AMN1: variants seen among roughly 807,000 people sequenced by gnomAD.
The protein encoded by AMN1 is antagonist of mitotic exit network 1 homolog, also known as protein AMN1 homolog.
Under a neutral mutation model 33.0 loss-of-function variants are expected in AMN1, and 20 were observed. The ratio of observed to expected loss-of-function variants is 0.61; its 90% CI spans 0.43 to 0.88. The LOEUF (loss-of-function observed/expected upper bound fraction) is 0.88. Ranked by LOEUF, AMN1 falls within the 40% of genes least tolerant of loss-of-function variation. The pLI is 0.00. For missense variants in AMN1, 246 were observed against 307.4 expected, an observed-to-expected ratio of 0.80 and a Z score of 1.49; for synonymous variants, 114 against 111.9, an observed-to-expected ratio of 1.02 and a Z score of -0.12.
At chr12:31,690,322 A>G (rs11051536) in intron 5 of AMN1, among the ~76,000 whole-genome samples, 12,156 of 152,266 alleles carry the variant, frequency 0.08, 702 homozygotes, top group East Asian at 0.28. Context: ...AGTTATTTAA[A>G]GAATTTCCAC....
intron 2 of AMN1, among the ~76,000 whole-genome samples, chr12:31,703,998 T>C (rs186339972): frequency 6.6e-6 from 1 of 152,326 alleles, no homozygotes; most frequent in East Asian, 1.9e-4. Context: ...GCTTATAACA[T>C]ATGCTATATA....
At chr12:31,702,587 A>G (rs570652390) in intron 2 of AMN1, among the ~76,000 whole-genome samples, 1 of 152,196 alleles carries the variant, frequency 6.6e-6, no homozygotes, top group South Asian at 2.1e-4. Flanking sequence ...CAAAATAGAA[A>G]TGGCTTTACC....
intron 2 of AMN1, among the ~76,000 whole-genome samples, chr12:31,706,024 C>T (rs1041633577): frequency 9.2e-5 from 14 of 152,008 alleles, no homozygotes; most frequent in Admixed American, 6.6e-4. Flanking sequence ...ATAAATCTGC[C>T]TTTCTTGGCC....
chr12:31,723,034 T>C (rs980164508), intron 1 of AMN1, among the ~76,000 whole-genome samples: 2 of 152,142 alleles, frequency 1.3e-5, no homozygotes, highest in Non-Finnish European at 2.9e-5. Flanking sequence ...AGTGCATGCC[T>C]GTAATCCCAG....
intron 1 of AMN1, among the ~76,000 whole-genome samples, chr12:31,724,360 T>C (rs939454498): frequency 1.8e-4 from 28 of 152,140 alleles, no homozygotes; most frequent in African/African-American, 6.5e-4. Context: ...CCTGCGACAA[T>C]AGCTCTGATA....
chr12:31,717,885 C>T lies in AMN1; in HGVS notation c.39-8460G>A, dbSNP rs549414663. ...CTCCCTCCCCTTGTCCCCAACCCCC[C>T]GACAGGCCCCAGTGTGTGATGTTCC... On this transcript the variant is annotated intron_variant, in intron 1 of 6. Coordinates refer to ENST00000281471, the MANE Select transcript of AMN1 (RefSeq NM_001113402.2). Among the ~76,000 whole-genome samples the T allele has an allele frequency of 5.9e-5, 9 of 152,134 alleles. No homozygotes were observed. In the East Asian group the frequency reaches 1.5e-3, roughly 26 times the overall value.
At chr12:31,696,980 T>C (rs1938755506) in intron 5 of AMN1, among the ~76,000 whole-genome samples, 1 of 151,908 alleles carries the variant, frequency 6.6e-6, no homozygotes, top group South Asian at 2.1e-4. Context: ...AAAAATAGGA[T>C]GACAGGATGT....
chr12:31,700,941 G>A (rs1413659029), intron 3 of AMN1, among the ~76,000 whole-genome samples: 2 of 151,864 alleles, frequency 1.3e-5, no homozygotes, highest in East Asian at 3.9e-4. Context: ...CACCCGCCTA[G>A]GCCTCCCAAA....
intron 1 of AMN1, among the ~76,000 whole-genome samples, chr12:31,716,150 T>G (rs540628259): frequency 6.6e-6 from 1 of 152,374 alleles, no homozygotes; most frequent in East Asian, 1.9e-4. Flanking sequence ...TTTGTGAAAT[T>G]TATCTGTATC....
intron 5 of AMN1, among the ~76,000 whole-genome samples, chr12:31,694,442 CAAAAAAAAA>C (rs71062451): frequency 8.6e-6 from 1 of 116,800 alleles, no homozygotes. Flanking sequence ...AACTCTGTCT[CAAAAAAAAA>C]AAAAAAAAAA....
At chr12:31,721,748 C>A (rs1332237177) in intron 1 of AMN1, among the ~76,000 whole-genome samples, 5 of 152,152 alleles carry the variant, frequency 3.3e-5, no homozygotes, top group Non-Finnish European at 7.4e-5. Context: ...AACAAACTAG[C>A]GGATTACAGA....
At chr12:31,711,460 A>G (rs1394982984) in intron 1 of AMN1, among the ~76,000 whole-genome samples, 3 of 152,064 alleles carry the variant, frequency 2.0e-5, no homozygotes, top group Non-Finnish European at 4.4e-5. Flanking sequence ...ATGTCTCACT[A>G]TTACTTTAAC....
At chr12:31,678,064 C>T (rs1414841196) in intron 6 of AMN1, among the ~76,000 whole-genome samples, 1 of 152,192 alleles carries the variant, frequency 6.6e-6, no homozygotes, top group Non-Finnish European at 1.5e-5. Flanking sequence ...CCAGTCACAT[C>T]TCTACATGGC....
chr12:31,702,920 A>T (rs1053112176), intron 2 of AMN1, among the ~76,000 whole-genome samples: 1 of 152,110 alleles, frequency 6.6e-6, no homozygotes, highest in Non-Finnish European at 1.5e-5. Flanking sequence ...ATTTTTTAGT[A>T]GAGATGTGGT....
At chr12:31,677,465 A>T (rs1937779156) in intron 6 of AMN1, among the ~76,000 whole-genome samples, 1 of 152,196 alleles carries the variant, frequency 6.6e-6, no homozygotes, top group South Asian at 2.1e-4. Context: ...AAGGAATTAT[A>T]GATTGTGGTT....
rs116447164 is a variant in AMN1 at position 31,684,777 on chromosome 12, C to A, written c.703+4230G>T. Among the ~76,000 whole-genome samples the A allele has an allele frequency of 9.7e-3, 1,476 of 151,800 alleles. 20 individuals carry two copies. Among genetic ancestry groups the A allele is most frequent in the African/African-American group, 0.034 (1,397 of 41,412 alleles). ...TGAGCCACCGCGCCCGGCCTGGGATCCTCAATAATTTTTAAGAATGTAAAT... is the reference window on the plus strand; with the variant it reads ...TGAGCCACCGCGCCCGGCCTGGGATACTCAATAATTTTTAAGAATGTAAAT... On this transcript the variant is annotated intron_variant, in intron 6 of 6. Coordinates refer to ENST00000281471, the MANE Select transcript of AMN1 (RefSeq NM_001113402.2).
At chr12:31,713,015 ATATT>A (rs1188483242) in intron 1 of AMN1, among the ~76,000 whole-genome samples, 1 of 152,098 alleles carries the variant, frequency 6.6e-6, no homozygotes, top group African/African-American at 2.4e-5. Context: ...TCTCTTTTAT[ATATT>A]TATTTATTTT....
At position 31,683,027 on chromosome 12, in the gene AMN1, A is replaced by G. The variant is rs1024397854; in HGVS notation, c.703+5980T>C. Among the ~76,000 whole-genome samples the G allele has an allele frequency of 1.2e-4, 18 of 150,712 alleles. No individual in the cohort carries two copies. The highest frequency in any genetic ancestry group is 8.6e-4 in the Admixed American group (13 of 15,056). Reference sequence around the variant, plus strand: ...ACTCAGGCTGGAGTGCAGTGGCACAATCTTGGCTAATTGCAACCTCTGCCC... The same window carrying G: ...ACTCAGGCTGGAGTGCAGTGGCACAGTCTTGGCTAATTGCAACCTCTGCCC... On this transcript the variant is annotated intron_variant, in intron 6 of 6. Transcript: ENST00000281471. The surrounding 1 kb of genome is among the most constrained non-coding windows in gnomAD (Gnocchi z 4.1).
intron 5 of AMN1, among the ~76,000 whole-genome samples, chr12:31,692,410 T>A (rs1423077634): frequency 6.7e-6 from 1 of 148,198 alleles, no homozygotes; most frequent in Non-Finnish European, 1.5e-5. Context: ...TGAGCCGAGA[T>A]CACTGCATAC....
Sources: gnomAD v4.1 joint callset for allele counts (sites outside exome capture counted in the v4.1 genomes callset) on GRCh38, gnomAD v4.1.1 for gene constraint, Gnocchi (gnomAD v3.1) non-coding constraint, MANE v1.5 for transcripts, NCBI Gene and HGNC (gene_info 2026-07-23, HGNC 2026-07-21) for gene names.